Variants in ADPRHL1 observed in about 807,000 individuals in gnomAD.
The protein encoded by ADPRHL1 is inactive ADP-ribosyltransferase ARH2.
ADPRHL1 carries 43 observed loss-of-function variants against 44.1 expected under a neutral mutation model. The ratio of observed to expected loss-of-function variants is 0.98; its 90% confidence interval spans 0.76 to 1.26. ADPRHL1 has a LOEUF of 1.26. Among genes scored for constraint, ADPRHL1 ranks in the 50% most tolerant of loss-of-function variants. ADPRHL1 has a pLI of 0.00. For synonymous variants in ADPRHL1, 878 were observed against 1,017.4 expected (o/e 0.86, Z 2.61); for missense variants, 2,022 against 2,496.9 (o/e 0.81, Z 4.05).
At chr13:113,410,694 G>A (rs1291394293) in intron 7 of ADPRHL1, among the ~76,000 whole-genome samples, 1 of 143,466 alleles carries the variant, frequency 7.0e-6, no homozygotes, top group Non-Finnish European at 1.5e-5. Context: ...GCCAGAGGCC[G>A]CCCACACCCC....
Position 113,422,986 on chromosome 13 carries a change from C to G in ADPRHL1, c.908-7G>C, listed in dbSNP as rs61968971. The G allele has an allele frequency of 1.2e-6, 2 of 1,612,668 alleles. No individual in the cohort carries two copies. The highest frequency in any genetic ancestry group is 2.2e-5 in the South Asian group (2 of 91,072). ...CCCGTGGCCGCGCTCTCCCCTGAAA[C>G]GCAAAGGCAGCAGTTGCAGTGGGCT... On this transcript the variant is annotated splice_polypyrimidine_tract_variant and splice_region_variant and intron_variant, in intron 6 of 7. Coordinates refer to ENST00000612156, the MANE Select transcript of ADPRHL1 (RefSeq NM_001394807.1).
rs1023296157 is a variant in ADPRHL1, at chr13:113,407,303, C to G, written c.1979G>C (p.Arg660Thr). Residue 660 changes from arginine to threonine, a missense_variant, in exon 8 of 8, where the codon AGG becomes ACG. By Grantham distance (71) the Arg-to-Thr change is moderately conservative (BLOSUM62 -1). Transcript: ENST00000612156. ...TTTGTTCCCACTGGGCCCCGTCTCCCTGGCACTAGGGGGCACGCTGGCTTC... is the reference window on the plus strand; with the variant it reads ...TTTGTTCCCACTGGGCCCCGTCTCCGTGGCACTAGGGGGCACGCTGGCTTC... Reference protein sequence around the residue: ...RGEASVPPSARETGPSGNKAV... With the variant: ...RGEASVPPSATETGPSGNKAV... The G allele has an allele frequency of 4.1e-6, 5 of 1,231,924 alleles. No homozygotes were observed. The African/African-American group carries it at 6.2e-5, about 15-fold the overall frequency. 76.3% of individuals were successfully genotyped at this position (1,231,924 alleles called of 1,614,324 possible). A position where few individuals can be genotyped will look rare whatever the true frequency, so the allele number is the denominator to read the frequency against.
chr13:113,445,866 T>A lies in ADPRHL1; in HGVS notation c.215-1277A>T, dbSNP rs567603321. ...CTGGCGAGAGCATACAGGGCCCCCA[T>A]GGCTGCAAACCCCTGGAGAGAGCAC... On this transcript the variant is annotated intron_variant, in intron 1 of 7. Coordinates refer to ENST00000612156, the MANE Select transcript of ADPRHL1 (RefSeq NM_001394807.1). Among the ~76,000 whole-genome samples the A allele has an allele frequency of 2.0e-5, 3 of 151,664 alleles. No individual in the cohort carries two copies. In the South Asian group the frequency reaches 6.3e-4, roughly 32 times the overall value.
intron 7 of ADPRHL1, among the ~76,000 whole-genome samples, chr13:113,410,596 G>C (rs944119628): frequency 1.4e-4 from 22 of 152,200 alleles, no homozygotes; most frequent in Non-Finnish European, 2.9e-4. Flanking sequence ...GCACGCCCTC[G>C]TTCTGAGTCA....
At position 113,441,148 on chromosome 13, in the gene ADPRHL1, A is replaced by G. The variant is rs1349804704; in HGVS notation, c.379+3277T>C. 6.6e-6 allele frequency among the ~76,000 whole-genome samples: 1 copy of G among 152,164 alleles called. No individual in the cohort carries two copies. The highest frequency in any genetic ancestry group is 1.5e-5 in the Non-Finnish European group (1 of 68,030). ...AATCTGGGCGACAGAGCAAGACTCC[A>G]TCTCAAAATTAAAAAGTTGTTTCTT... On this transcript the variant is annotated intron_variant, in intron 2 of 7. Coordinates refer to ENST00000612156, the MANE Select transcript of ADPRHL1 (RefSeq NM_001394807.1). The surrounding 1 kb of genome is among the most constrained non-coding windows in gnomAD (Gnocchi z 6.0).
intron 1 of ADPRHL1, 134 bp from the exon 2 acceptor site, chr13:113,444,723 C>A: frequency 9.5e-7 from 1 of 1,054,976 alleles, no homozygotes; most frequent in Non-Finnish European, 1.4e-6. Flanking sequence ...CCCGGGTTCA[C>A]TCCGTTCTCC....
chr13:113,408,090 C>A lies in ADPRHL1; in HGVS notation c.1192G>T (p.Gly398Cys). ...ILSSLLLYVT[G>C]RADRPPGTEA... ...GTCCCCGGGGGCCGGTCTGCGCGGCCCGTGACGTAGAGCAGCAGGCTGCTG... is the reference window on the plus strand; with the variant it reads ...GTCCCCGGGGGCCGGTCTGCGCGGCACGTGACGTAGAGCAGCAGGCTGCTG... Residue 398 changes from glycine (G) to cysteine (C), a missense_variant, in exon 8 of 8, where the codon GGC becomes TGC. By Grantham distance (159) the Gly-to-Cys change is radical (BLOSUM62 -3). This residue lies in a region of ADPRHL1 where 1,221 missense variants were observed against 1,517.8 expected (regional missense o/e 0.80). Transcript: ENST00000612156. 1 of 1,232,008 alleles carries A rather than the reference C, an allele frequency of 8.1e-7. No homozygotes were observed. The highest frequency in any genetic ancestry group is 1.0e-6 in the Non-Finnish European group (1 of 987,930). 76.3% of individuals were successfully genotyped at this position (1,232,008 alleles called of 1,614,324 possible). A position where few individuals can be genotyped will look rare whatever the true frequency, so the allele number is the denominator to read the frequency against.
At chr13:113,417,203 G>A (rs1014170953) in intron 7 of ADPRHL1, among the ~76,000 whole-genome samples, 5 of 152,214 alleles carry the variant, frequency 3.3e-5, no homozygotes, top group Non-Finnish European at 7.3e-5. Context: ...GTTTCCTGGT[G>A]TGTGGGACAA....
rs1566462903 is a variant in ADPRHL1 at position 113,404,291 on chromosome 13, G to T, written c.4991C>A (p.Ala1664Asp). Reference sequence around the variant, plus strand: ...AGCCCCCTTCTGGGCCTGACCCTGAGCCTCTATCTGGGTCTGCTCCTGAGC... The same window carrying T: ...AGCCCCCTTCTGGGCCTGACCCTGATCCTCTATCTGGGTCTGCTCCTGAGC... The part of the protein sequence containing the change: ...EQAQEQTQIE[A>D]QGQAQKGAQE... Residue 1664 changes from alanine (A) to aspartate (D), a missense_variant, in exon 8 of 8, where the codon GCT becomes GAT. By Grantham distance (126) the Ala-to-Asp change is moderately radical (BLOSUM62 -2). This residue lies in a region of ADPRHL1 where 25 missense variants were observed against 50.2 expected (regional missense o/e 0.50). Coordinates refer to ENST00000612156, the MANE Select transcript of ADPRHL1 (RefSeq NM_001394807.1). 7.5e-7 allele frequency: 1 copy of T among 1,326,006 alleles called. No homozygotes were observed. 82.1% of individuals were successfully genotyped at this position (1,326,006 alleles called of 1,614,324 possible). A position where few individuals can be genotyped will look rare whatever the true frequency, so the allele number is the denominator to read the frequency against.
At chr13:113,408,848 A>AGGGGGCTGCAAAGAGGAGGGGAGGAG (rs2043828503) in intron 7 of ADPRHL1, among the ~76,000 whole-genome samples, 1 of 117,390 alleles carries the variant, frequency 8.5e-6, no homozygotes, top group Non-Finnish European at 1.7e-5. Flanking sequence ...GCAGGGGAGG[A>AGGGGGCTGCAAAGAGGAGGGGAGGAG]GGGGGCTGCA....
intron 2 of ADPRHL1, among the ~76,000 whole-genome samples, chr13:113,442,197 G>A (rs578016195): frequency 8.5e-5 from 13 of 152,302 alleles, no homozygotes; most frequent in South Asian, 4.1e-4. Context: ...GGCTCACACC[G>A]TAATCTCAGC....
chr13:113,403,630 G>A lies in ADPRHL1; in HGVS notation c.5652C>T (p.Ser1884=). The part of the protein sequence containing the change: ...IATSPLGLGK[S]PTEPKPEAGG... Reference sequence around the variant, plus strand: ...CAGCCTCAGGCTTGGGCTCAGTTGGGCTCTTTCCCAGCCCCAGGGGAGAGG... The same window carrying A: ...CAGCCTCAGGCTTGGGCTCAGTTGGACTCTTTCCCAGCCCCAGGGGAGAGG... Residue 1884 remains serine, a synonymous_variant, in exon 8 of 8, where the codon AGC becomes AGT. Transcript: ENST00000612156. 8.1e-7 allele frequency: 1 copy of A among 1,231,640 alleles called. No homozygotes were observed. Among genetic ancestry groups the A allele is most frequent in the Middle Eastern group, 3.1e-4 (1 of 3,210 alleles). 76.3% of individuals were successfully genotyped at this position (1,231,640 alleles called of 1,614,324 possible).
At chr13:113,434,545 C>T (rs914520118) in intron 2 of ADPRHL1, among the ~76,000 whole-genome samples, 3 of 144,292 alleles carry the variant, frequency 2.1e-5, no homozygotes, top group Non-Finnish European at 4.5e-5. Context: ...AGGTGTACCC[C>T]GGGACCCGGC....
chr13:113,420,921 G>A (rs1323462119), intron 7 of ADPRHL1, among the ~76,000 whole-genome samples: 2 of 122,912 alleles, frequency 1.6e-5, no homozygotes, highest in South Asian at 3.1e-4. Flanking sequence ...CTACCCCTGG[G>A]ACATGCCCAC....
chr13:113,407,460 CA>C lies in ADPRHL1; in HGVS notation c.1821del (p.Ala608ProfsTer82). The C allele has an allele frequency of 3.2e-6, 4 of 1,232,070 alleles. No homozygotes were observed. In the East Asian group the frequency reaches 9.5e-5, roughly 29 times the overall value. 76.3% of individuals were successfully genotyped at this position (1,232,070 alleles called of 1,614,324 possible). A position where few individuals can be genotyped will look rare whatever the true frequency, so the allele number is the denominator to read the frequency against. ...TMASTCVKMPPARFLACTAEP... is the reference protein window; with the variant it reads ...TMASTCVKMPXARFLACTAEP... ...TCAGCCGTGCAGGCCAGAAAGCGGG[CA>C]GGGGGCATCTTGACGCAGGTGCTGG... On this transcript the variant is annotated frameshift_variant, in exon 8 of 8. Coordinates refer to ENST00000612156, the MANE Select transcript of ADPRHL1 (RefSeq NM_001394807.1). LOFTEE classifies it low-confidence loss of function (END_TRUNC).
intron 7 of ADPRHL1, among the ~76,000 whole-genome samples, chr13:113,411,297 TG>T (rs1156678985): frequency 6.6e-6 from 1 of 152,050 alleles, no homozygotes; most frequent in Non-Finnish European, 1.5e-5. Context: ...CCTCAGGTGG[TG>T]GGCAGCTTGG....
At position 113,403,498 on chromosome 13, in the gene ADPRHL1, G is replaced by C. The variant is rs1053169915; in HGVS notation, c.5784C>G (p.Arg1928=). 6.5e-6 allele frequency: 8 copies of C among 1,231,906 alleles called. No homozygotes were observed. In the South Asian group the frequency reaches 1.2e-4, roughly 19 times the overall value. 76.3% of individuals were successfully genotyped at this position (1,231,906 alleles called of 1,614,324 possible). A position where few individuals can be genotyped will look rare whatever the true frequency, so the allele number is the denominator to read the frequency against. Residue 1928 remains arginine, a synonymous_variant, in exon 8 of 8, where the codon CGC becomes CGG. Coordinates refer to ENST00000612156, the MANE Select transcript of ADPRHL1 (RefSeq NM_001394807.1). ...ACTTGGCCAGGTGCCTGGACCTCCC[G>C]CGACGCTCGGGCTCCGATGCCTCCA... The part of the protein sequence containing the change: ...DRMEASEPER[R]GRSRHLAKYK...
In ADPRHL1 at chr13:113,405,158, G is replaced by C; in HGVS notation, c.4124C>G (p.Ala1375Gly). ...GTGACTCTGTTGCCTCCCCAGGTCC[G>C]CCTGTGTCAGGGGACGCTCCTGGGA... Reference protein sequence around the residue: ...GESQERPLTQADLGRQQSHQA... With the variant: ...GESQERPLTQGDLGRQQSHQA... Residue 1375 changes from alanine (A) to glycine (G), a missense_variant, in exon 8 of 8, where the codon GCG (alanine) becomes GGG (glycine). Physicochemically the swap from Ala to Gly is moderately conservative, Grantham distance 60. Transcript: ENST00000612156. 8.1e-7 allele frequency: 1 copy of C among 1,231,934 alleles called. No individual in the cohort carries two copies. Among genetic ancestry groups the C allele is most frequent in the Non-Finnish European group, 1.0e-6 (1 of 988,110 alleles). The allele number at this position is 1,231,934 out of a possible 1,614,324, so 76.3% of individuals were successfully genotyped here.
chr13:113,415,815 A>T (rs184403355), intron 7 of ADPRHL1, among the ~76,000 whole-genome samples: 2 of 150,702 alleles, frequency 1.3e-5, no homozygotes, highest in East Asian at 1.9e-4. Context: ...TAGTTTTTTT[A>T]AAATTGGTTT....
Sources: gnomAD v4.1 joint callset for allele counts (sites outside exome capture counted in the v4.1 genomes callset) on GRCh38, gnomAD v4.1.1 for gene constraint, gnomAD v4.1.1 regional missense constraint, Gnocchi (gnomAD v3.1) non-coding constraint, MANE v1.5 for transcripts, NCBI Gene and HGNC (gene_info 2026-07-23, HGNC 2026-07-21) for gene names.